Variants in PHACTR1 observed in about 807,000 individuals in gnomAD.
PHACTR1 encodes the protein phosphatase and actin regulator 1.
A neutral mutation model predicts 69.2 loss-of-function variants in PHACTR1; 16 were observed. That is an observed-to-expected ratio of 0.23 (90% CI 0.16 to 0.35). PHACTR1 has a LOEUF of 0.35. Among genes scored for constraint, PHACTR1 ranks in the 10% least tolerant of loss-of-function variants. The pLI, the probability that PHACTR1 is intolerant of heterozygous loss-of-function variation, is 1.00. For missense variants in PHACTR1, 510 were observed against 734.7 expected (o/e 0.69, Z 3.54); for synonymous variants, 312 against 284.5 (o/e 1.10, Z -0.97).
At chr6:13,158,703 T>C (rs1758544802) in intron 5 of PHACTR1, among the ~76,000 whole-genome samples, 1 of 152,230 alleles carries the variant, frequency 6.6e-6, no homozygotes, top group African/African-American at 2.4e-5. Flanking sequence ...ATGGCTGGGC[T>C]GAGGCATCAG....
At chr6:12,918,242 T>TCTC (rs1326525820) in intron 4 of PHACTR1, among the ~76,000 whole-genome samples, 1 of 149,812 alleles carries the variant, frequency 6.7e-6, no homozygotes, top group Admixed American at 6.7e-5. Flanking sequence ...CACTCGCAAA[T>TCTC]CTCCTTGACA....
intron 3 of PHACTR1, among the ~76,000 whole-genome samples, chr6:12,724,995 G>A (rs1358490471): frequency 1.3e-5 from 2 of 152,118 alleles, no homozygotes; most frequent in East Asian, 1.9e-4. Flanking sequence ...AGTCGTCACT[G>A]TTACTTGTCA....
intron 8 of PHACTR1, among the ~76,000 whole-genome samples, chr6:13,221,003 G>A (rs961199715): frequency 1.3e-5 from 2 of 152,316 alleles, no homozygotes; most frequent in African/African-American, 4.8e-5. Flanking sequence ...TAACAAAGCT[G>A]GGAACAGAGG....
chr6:13,084,184 C>A (rs1413714354), intron 5 of PHACTR1, among the ~76,000 whole-genome samples: 1 of 151,940 alleles, frequency 6.6e-6, no homozygotes, highest in Admixed American at 6.6e-5. Flanking sequence ...CCATGGAATA[C>A]TATGCAGCCA....
intron 4 of PHACTR1, among the ~76,000 whole-genome samples, chr6:12,831,486 A>T (rs1777575461): frequency 6.6e-6 from 1 of 151,556 alleles, no homozygotes. Context: ...AGTAGCTGAA[A>T]TGCAGGCCCT....
intron 10 of PHACTR1, chr6:13,267,419 A>G (rs1367037482): frequency 1.3e-5 from 2 of 152,124 alleles, no homozygotes; most frequent in African/African-American, 2.4e-5. Flanking sequence ...CAGACACTTT[A>G]TCTTCTTCAC....
intron 4 of PHACTR1, among the ~76,000 whole-genome samples, chr6:12,878,958 C>G (rs1223381795): frequency 6.6e-6 from 1 of 152,182 alleles, no homozygotes; most frequent in Non-Finnish European, 1.5e-5. Flanking sequence ...AAAATTTCAC[C>G]TGTGCCTCTG....
At chr6:12,772,332 G>A (rs953685832) in intron 4 of PHACTR1, among the ~76,000 whole-genome samples, 2 of 152,150 alleles carry the variant, frequency 1.3e-5, no homozygotes, top group Non-Finnish European at 2.9e-5. Flanking sequence ...CATTAATTAT[G>A]TGTGCACCAA....
intron 4 of PHACTR1, among the ~76,000 whole-genome samples, chr6:12,900,720 TTTATA>T (rs1785102651): frequency 6.6e-6 from 1 of 152,214 alleles, no homozygotes; most frequent in Non-Finnish European, 1.5e-5. Context: ...CATATCAATT[TTTATA>T]TTAAAGTCCA....
chr6:12,811,704 C>G (rs775869789), intron 4 of PHACTR1, among the ~76,000 whole-genome samples: 1 of 152,200 alleles, frequency 6.6e-6, no homozygotes, highest in Non-Finnish European at 1.5e-5. Flanking sequence ...CTACCCCACA[C>G]GGATCACCCT....
chr6:12,809,522 G>T lies in PHACTR1; in HGVS notation c.250+59732G>T, dbSNP rs143881768. Among the ~76,000 whole-genome samples the T allele has an allele frequency of 4.2e-3, 635 of 152,266 alleles. 5 individuals carry two copies. The highest frequency in any genetic ancestry group is 0.015 in the African/African-American group (613 of 41,538). ...AAACCTATTTATCAACCCTACTCTA[G>T]CAGATAAAACAAAACAAAACACAAC... On this transcript the variant is annotated intron_variant, in intron 4 of 14. Coordinates refer to ENST00000332995, the MANE Select transcript of PHACTR1 (RefSeq NM_030948.6).
chr6:12,844,690 T>A (rs939199029), intron 4 of PHACTR1, among the ~76,000 whole-genome samples: 1 of 151,826 alleles, frequency 6.6e-6, no homozygotes, highest in African/African-American at 2.4e-5. Context: ...ACATCCGCCT[T>A]CTGGAGCCTG....
chr6:13,090,284 G>A (rs1245204750), intron 5 of PHACTR1, among the ~76,000 whole-genome samples: 6 of 150,916 alleles, frequency 4.0e-5, no homozygotes, highest in African/African-American at 1.5e-4. Context: ...GACCTCAGAT[G>A]ATCCACCTGC....
At chr6:13,216,581 G>A (rs1260935249) in intron 8 of PHACTR1, among the ~76,000 whole-genome samples, 1 of 152,218 alleles carries the variant, frequency 6.6e-6, no homozygotes, top group African/African-American at 2.4e-5. Flanking sequence ...TTCTTATGGT[G>A]ATGATCATCT....
chr6:12,965,106 T>C (rs560287947), intron 4 of PHACTR1, among the ~76,000 whole-genome samples: 2 of 152,370 alleles, frequency 1.3e-5, no homozygotes, highest in African/African-American at 4.8e-5. Flanking sequence ...GTAAATGCTA[T>C]GTAAATAGTT....
chr6:12,887,015 C>G (rs1298969079), intron 4 of PHACTR1, among the ~76,000 whole-genome samples: 1 of 152,060 alleles, frequency 6.6e-6, no homozygotes, highest in African/African-American at 2.4e-5. Context: ...TCCTCCTCCC[C>G]CTCTTCCTCC....
chr6:12,723,543 T>G (rs1308684789), intron 3 of PHACTR1, among the ~76,000 whole-genome samples: 1 of 148,746 alleles, frequency 6.7e-6, no homozygotes, highest in Non-Finnish European at 1.5e-5. Context: ...CATCTCAGGC[T>G]AAAGTACAGT....
At chr6:12,734,106 G>C (rs1763927304) in intron 3 of PHACTR1, among the ~76,000 whole-genome samples, 1 of 152,174 alleles carries the variant, frequency 6.6e-6, no homozygotes, top group African/African-American at 2.4e-5. Flanking sequence ...GGGAGGAAAG[G>C]AAGCAACGAA....
chr6:13,280,985 T>C, intron 12 of PHACTR1: 1 of 1,289,544 alleles, frequency 7.8e-7, no homozygotes, highest in South Asian at 1.2e-5. Context: ...GTGCACCAAC[T>C]GTGACTCTGA....
Sources: allele counts gnomAD v4.1 joint callset (sites outside exome capture counted in the v4.1 genomes callset), GRCh38; gene constraint gnomAD v4.1.1; transcripts MANE v1.5; gene names NCBI Gene and HGNC (gene_info 2026-07-23, HGNC 2026-07-21).